The following SDHC variants were observed in gnomAD, a reference collection of about 807,000 sequenced individuals.
SDHC encodes succinate dehydrogenase complex subunit C.
Under a neutral mutation model 22.6 loss-of-function variants are expected in SDHC, and 11 were observed. The observed-to-expected ratio is 0.49, with a 90% CI of 0.31 to 0.81. SDHC has a LOEUF of 0.81. Ranked by LOEUF, SDHC falls within the 30% of genes least tolerant of loss-of-function variation. The probability of loss-of-function intolerance (pLI) is 0.05; values close to 1 mark genes in which losing one functional copy is unlikely to be tolerated. For missense variants in SDHC, 160 were observed against 212.0 expected, an observed-to-expected ratio of 0.75 and a Z score of 1.52; for synonymous variants, 80 against 77.8, an observed-to-expected ratio of 1.03 and a Z score of -0.15.
intron 4 of SDHC, among the ~76,000 whole-genome samples, chr1:161,349,895 T>G (rs1672044164): frequency 6.6e-6 from 1 of 152,028 alleles, no homozygotes; most frequent in Non-Finnish European, 1.5e-5. Context: ...GGATAATACC[T>G]TTTTTTTCTC....
chr1:161,358,438 A>G lies in SDHC; in HGVS notation c.405+1598A>G, dbSNP rs182408105. Among the ~76,000 whole-genome samples, 411 of 152,118 alleles carry G rather than the reference A, an allele frequency of 2.7e-3. 3 individuals carry two copies. The highest frequency in any genetic ancestry group is 9.5e-3 in the African/African-American group (394 of 41,488). On this transcript the variant is annotated intron_variant, in intron 5 of 5. Transcript: ENST00000367975. ...TCATTTAATAGATTGGAAACTGTCC[A>G]TGTTGCCTCCTATGTGACCTCATCG...
intron 1 of SDHC, 174 bp downstream of exon 1, chr1:161,314,599 C>G (rs573098854): frequency 1.4e-6 from 1 of 708,814 alleles, no homozygotes; most frequent in South Asian, 1.6e-5. Context: ...CCCCCAGCCG[C>G]TCCGGTGCGC....
chr1:161,337,285 C>G (rs1384808877), intron 3 of SDHC, among the ~76,000 whole-genome samples: 2 of 152,164 alleles, frequency 1.3e-5, no homozygotes, highest in Non-Finnish European at 1.5e-5. Context: ...CTGGAAAACA[C>G]AAAGGCTAGG....
intron 5 of SDHC, among the ~76,000 whole-genome samples, chr1:161,360,522 C>T (rs534015588): frequency 2.7e-4 from 40 of 148,876 alleles, no homozygotes; most frequent in African/African-American, 9.7e-4. Context: ...TGCCACTGCA[C>T]TCCAGCCTAG....
chr1:161,339,486 C>CTT, intron 3 of SDHC: 1 of 807,904 alleles, frequency 1.2e-6, no homozygotes, highest in Non-Finnish European at 1.8e-6. Flanking sequence ...CCAGCTCCAA[C>CTT]TTTAATGAGT....
rs928704607 is a variant in SDHC, at chr1:161,358,023, G to T, written c.405+1183G>T. Among the ~76,000 whole-genome samples the T allele has an allele frequency of 2.7e-5, 4 of 148,800 alleles. No homozygotes were observed. In the East Asian group the frequency reaches 7.9e-4, roughly 30 times the overall value. ...AAGAATTCCAGGTTTCAATATTGAG[G>T]TTAGGAATCTTTTTTTTTTTTTTTT... is the stretch of plus-strand genomic sequence containing the variant. On this transcript the variant is annotated intron_variant, in intron 5 of 5. Coordinates refer to ENST00000367975, the MANE Select transcript of SDHC (RefSeq NM_003001.5).
At chr1:161,326,382 G>C (rs1055071771) in intron 2 of SDHC, among the ~76,000 whole-genome samples, 1 of 151,960 alleles carries the variant, frequency 6.6e-6, no homozygotes, top group Non-Finnish European at 1.5e-5. Flanking sequence ...GACCCCAAGA[G>C]AGGGCTCTTG....
chr1:161,354,548 G>C (rs1416237572), intron 4 of SDHC, among the ~76,000 whole-genome samples: 2 of 151,808 alleles, frequency 1.3e-5, no homozygotes, highest in Non-Finnish European at 2.9e-5. Flanking sequence ...TTGTGATGTG[G>C]GTACTCTTTT....
At chr1:161,345,668 G>A (rs1671866878) in intron 4 of SDHC, among the ~76,000 whole-genome samples, 8 of 152,110 alleles carry the variant, frequency 5.3e-5, no homozygotes, top group Admixed American at 5.2e-4. Flanking sequence ...ATGTTAGCCA[G>A]GATGGTCTCG....
chr1:161,320,272 T>C (rs1421598748), intron 1 of SDHC, among the ~76,000 whole-genome samples: 1 of 152,138 alleles, frequency 6.6e-6, no homozygotes, highest in Non-Finnish European at 1.5e-5. Flanking sequence ...GGTTATAGTT[T>C]GGTAGTTGGG....
chr1:161,353,583 G>A (rs1218503164), intron 4 of SDHC, among the ~76,000 whole-genome samples: 5 of 152,080 alleles, frequency 3.3e-5, no homozygotes, highest in Non-Finnish European at 7.4e-5. Flanking sequence ...TATTTTCATG[G>A]TGCTCCTAAG....
intron 4 of SDHC, 49 bp downstream of exon 4, chr1:161,340,704 T>G (rs1671691104): frequency 1.3e-6 from 2 of 1,526,184 alleles, no homozygotes; most frequent in African/African-American, 2.7e-5. Context: ...TTGAAAAACT[T>G]GGCTGTTTCA....
intron 3 of SDHC, among the ~76,000 whole-genome samples, chr1:161,329,543 G>T (rs942904743): frequency 4.0e-5 from 6 of 151,102 alleles, no homozygotes; most frequent in Non-Finnish European, 7.4e-5. Context: ...TGTTGTCCAG[G>T]CTGGTCTCAA....
intron 4 of SDHC, among the ~76,000 whole-genome samples, chr1:161,343,444 G>T (rs572518725): frequency 1.3e-5 from 2 of 152,252 alleles, no homozygotes; most frequent in East Asian, 1.9e-4. Flanking sequence ...TCCTATCTAA[G>T]ATCTGATGCC....
At chr1:161,343,237 A>G (rs925886700) in intron 4 of SDHC, among the ~76,000 whole-genome samples, 1 of 152,172 alleles carries the variant, frequency 6.6e-6, no homozygotes, top group African/African-American at 2.4e-5. Flanking sequence ...CTATGTTTTT[A>G]ACTGACGTGG....
intron 1 of SDHC, 119 bp from the exon 2 acceptor site, chr1:161,323,495 A>G (rs370774180): frequency 2.6e-5 from 20 of 757,978 alleles, no homozygotes; most frequent in Middle Eastern, 4.6e-4. Context: ...GGACACTGAT[A>G]CTGTCATTGT....
rs1486962288 is a variant in SDHC at position 161,339,560 on chromosome 1, A to G, written c.180-1034A>G. On this transcript the variant is annotated intron_variant, in intron 3 of 5. Coordinates refer to ENST00000367975, the MANE Select transcript of SDHC (RefSeq NM_003001.5). ...AGTTATAATCATTTTTTTTTTTCTC[A>G]GCCCTATCAGTGATGCAGTCTGGTA... 4.8e-6 allele frequency: 6 copies of G among 1,261,164 alleles called. No homozygotes were observed. The African/African-American group carries it at 9.3e-5, about 20-fold the overall frequency. The allele number at this position is 1,261,164 out of a possible 1,614,324, so 78.1% of individuals were successfully genotyped here.
chr1:161,331,331 G>A (rs1396895694), intron 3 of SDHC, among the ~76,000 whole-genome samples: 2 of 151,416 alleles, frequency 1.3e-5, no homozygotes, highest in Non-Finnish European at 2.9e-5. Context: ...GCAGTGGCAC[G>A]ATCTGGGCTC....
At chr1:161,323,295 G>A (rs1418316559) in intron 1 of SDHC, among the ~76,000 whole-genome samples, 4 of 152,006 alleles carry the variant, frequency 2.6e-5, no homozygotes, top group Non-Finnish European at 2.9e-5. Context: ...AGCGCGCCTG[G>A]CCCAAGACCT....
Sources: gnomAD v4.1 joint callset for allele counts (sites outside exome capture counted in the v4.1 genomes callset) on GRCh38, gnomAD v4.1.1 for gene constraint, MANE v1.5 for transcripts, NCBI Gene and HGNC (gene_info 2026-07-23, HGNC 2026-07-21) for gene names.